The following PRDM9 variants were observed in gnomAD, a reference collection of about 807,000 sequenced individuals.
The protein encoded by PRDM9 is PR/SET domain 9.
In PRDM9, 47 loss-of-function variants were observed where a neutral mutation model predicts 55.6. The ratio of observed to expected loss-of-function variants is 0.85; its 90% CI spans 0.67 to 1.08. The LOEUF is 1.08. Ranked by LOEUF, PRDM9 falls within the 50% of genes least tolerant of loss-of-function variation. The probability of loss-of-function intolerance (pLI) is 0.00; values close to 1 mark genes in which losing one functional copy is unlikely to be tolerated. For synonymous variants in PRDM9, 312 were observed against 375.7 expected, an observed-to-expected ratio of 0.83 and a Z score of 1.96; for missense variants, 867 against 1,040.3, an observed-to-expected ratio of 0.83 and a Z score of 2.29.
At chr5:23,524,621 A>G in intron 10 of PRDM9, 94 bp downstream of exon 10, 4 of 1,555,796 alleles carry the variant, frequency 2.6e-6, no homozygotes, top group Non-Finnish European at 3.5e-6. Context: ...GTAAAATGCC[A>G]TCTAAAGTCA....
At chr5:23,510,460 C>T (rs2126407768) in intron 4 of PRDM9, among the ~76,000 whole-genome samples, 1 of 151,680 alleles carries the variant, frequency 6.6e-6, no homozygotes, top group East Asian at 2.0e-4. Context: ...CCGGGTTAAA[C>T]AATTCTCCCA....
At chr5:23,523,171 G>A (rs1739368143) in intron 8 of PRDM9, 120 bp from the exon 9 acceptor site, 2 of 1,224,690 alleles carry the variant, frequency 1.6e-6, no homozygotes, top group African/African-American at 3.0e-5. Context: ...TGCATACCAT[G>A]TGGTCTCAAT....
At chr5:23,513,772 G>A (rs890676062) in intron 4 of PRDM9, among the ~76,000 whole-genome samples, 6 of 151,966 alleles carry the variant, frequency 3.9e-5, no homozygotes, top group South Asian at 2.1e-4. Flanking sequence ...CCAGCTACTC[G>A]GTAGGCTGAA....
Position 23,508,952 on chromosome 5 carries a change from G to A in PRDM9, c.-82G>A. ...CTCAGCACCTTCTCCTTCCACAGGA[G>A]CCTTTGGCCTAGGAGCTGGGAGACT... On this transcript the variant is annotated splice_region_variant and 5_prime_UTR_variant, in exon 2 of 11. Coordinates refer to ENST00000296682, the MANE Select transcript of PRDM9 (RefSeq NM_020227.4). The A allele has an allele frequency of 3.9e-6, 6 of 1,520,978 alleles. No homozygotes were observed. The highest frequency in any genetic ancestry group is 5.4e-6 in the Non-Finnish European group (6 of 1,106,750). The allele number at this position is 1,520,978 out of a possible 1,614,324, so 94.2% of individuals were successfully genotyped here.
At chr5:23,519,016 A>T (rs1430775909) in intron 5 of PRDM9, among the ~76,000 whole-genome samples, 1 of 152,184 alleles carries the variant, frequency 6.6e-6, no homozygotes, top group Non-Finnish European at 1.5e-5. Context: ...TAGAGATGTT[A>T]TCAGGACTAT....
intron 6 of PRDM9, among the ~76,000 whole-genome samples, chr5:23,521,463 G>A (rs1253314416): frequency 2.0e-5 from 3 of 152,122 alleles, no homozygotes; most frequent in African/African-American, 4.8e-5. Context: ...TCAGTCACCC[G>A]AGTAGCTGGG....
At chr5:23,512,190 T>C (rs1382592848) in intron 4 of PRDM9, among the ~76,000 whole-genome samples, 1 of 152,204 alleles carries the variant, frequency 6.6e-6, no homozygotes, top group Non-Finnish European at 1.5e-5. Flanking sequence ...CCAAAATGAA[T>C]CTACTTCTTT....
chr5:23,520,030 T>G (rs879784592), intron 5 of PRDM9, among the ~76,000 whole-genome samples: 1 of 122,050 alleles, frequency 8.2e-6, no homozygotes, highest in Non-Finnish European at 1.7e-5. Flanking sequence ...GGCAACAAAG[T>G]GAGACTCCCT....
intron 6 of PRDM9, among the ~76,000 whole-genome samples, chr5:23,522,042 T>A (rs1739336825): frequency 6.6e-6 from 1 of 152,184 alleles, no homozygotes; most frequent in Non-Finnish European, 1.5e-5. Context: ...AATGAATAAA[T>A]GCATGAATGA....
chr5:23,507,588 C>G (rs1739006021), upstream of PRDM9: 1 of 152,406 alleles, frequency 6.6e-6, no homozygotes, highest in African/African-American at 2.4e-5. Flanking sequence ...GCACTTCGCC[C>G]TCCACCACAT....
intron 5 of PRDM9, among the ~76,000 whole-genome samples, chr5:23,519,638 G>A (rs372024663): frequency 1.4e-4 from 21 of 151,982 alleles, no homozygotes; most frequent in African/African-American, 4.8e-4. Context: ...TGGGATTACA[G>A]GTGTGAGCCA....
At position 23,522,372 on chromosome 5, in the gene PRDM9, G is replaced by C; in HGVS notation, c.577G>C (p.Glu193Gln). 1.2e-6 allele frequency: 2 copies of C among 1,614,152 alleles called. No homozygotes were observed. Among genetic ancestry groups the C allele is most frequent in the Non-Finnish European group, 1.7e-6 (2 of 1,180,008 alleles). ...LRERKGHAYK[E>Q]VSEPQDDDYL... ...AGAAAGAAAGGGTCATGCATACAAAGAGGTCAGCGAGCCGCAGGATGATGA... is the reference window on the plus strand; with the variant it reads ...AGAAAGAAAGGGTCATGCATACAAACAGGTCAGCGAGCCGCAGGATGATGA... The change falls in exon 7 of 11, where the codon GAG (glutamate) becomes CAG (glutamine). Residue 193 changes from glutamate (E) to glutamine (Q), a missense_variant. By Grantham distance (29) the Glu-to-Gln change is conservative. This residue lies in a region of PRDM9 where 662 missense variants were observed against 711.9 expected (regional missense o/e 0.93). Coordinates refer to ENST00000296682, the MANE Select transcript of PRDM9 (RefSeq NM_020227.4).
rs371827672 is a variant in PRDM9 at position 23,522,663 on chromosome 5, G to T, written c.660G>T (p.Gly220=). The change falls in exon 8 of 11, where the codon GGG becomes GGT. Residue 220 remains glycine (G), a synonymous_variant. Transcript: ENST00000296682. The part of the protein sequence containing the change: ...NFFIDSCAAH[G]PPTFVKDSAV... ...TCATTGACAGCTGTGCTGCCCATGG[G>T]CCCCCTACATTTGTAAAGGACAGTG... The T allele has an allele frequency of 2.5e-6, 4 of 1,614,160 alleles. No individual in the cohort carries two copies. Among genetic ancestry groups the T allele is most frequent in the Admixed American group, 3.3e-5 (2 of 60,022 alleles).
intron 4 of PRDM9, among the ~76,000 whole-genome samples, chr5:23,512,718 ATCCCTAGAACTTTT>A (rs1739123608): frequency 6.6e-6 from 1 of 152,168 alleles, no homozygotes; most frequent in Admixed American, 6.5e-5. Flanking sequence ...GGTGAAATAG[ATCCCTAGAACTTTT>A]TATCTTGCAT....
chr5:23,516,804 C>G (rs1400094402), intron 4 of PRDM9, among the ~76,000 whole-genome samples: 3 of 147,502 alleles, frequency 2.0e-5, no homozygotes, highest in Non-Finnish European at 4.5e-5. Flanking sequence ...ACTGCAACCT[C>G]TGCCTCCCAG....
At chr5:23,509,235 A>G in intron 2 of PRDM9, 133 bp downstream of exon 2, 1 of 1,367,272 alleles carries the variant, frequency 7.3e-7, no homozygotes, top group South Asian at 1.2e-5. Context: ...CCTGGCCAGG[A>G]CATGGGGGAG....
chr5:23,515,217 G>A (rs558276287), intron 4 of PRDM9, among the ~76,000 whole-genome samples: 318 of 151,902 alleles, frequency 2.1e-3, no homozygotes, highest in African/African-American at 7.3e-3. Context: ...CATCTGCCTC[G>A]GCCACCCAAA....
chr5:23,522,700 G>C lies in PRDM9; in HGVS notation c.697G>C (p.Gly233Arg), dbSNP rs1283906767. The C allele has an allele frequency of 6.2e-7, 1 of 1,614,216 alleles. No homozygotes were observed. The highest frequency in any genetic ancestry group is 2.2e-5 in the East Asian group (1 of 44,860). The change falls in exon 8 of 11, where the codon GGG (glycine) becomes CGG (arginine). Residue 233 changes from glycine to arginine, a missense_variant. Around this residue, in one of 5 missense-constraint regions of PRDM9, gnomAD observed 662 missense variants for 711.9 expected, o/e 0.93. Transcript: ENST00000296682. The part of the protein sequence containing the change: ...TFVKDSAVDK[G>R]HPNRSALSLP... ...TGTAAAGGACAGTGCAGTGGACAAG[G>C]GGCACCCCAACCGTTCAGCCCTCAG...
At chr5:23,513,736 G>A (rs559226975) in intron 4 of PRDM9, among the ~76,000 whole-genome samples, 8 of 151,956 alleles carry the variant, frequency 5.3e-5, no homozygotes, top group South Asian at 4.2e-4. Flanking sequence ...AAAATTAGCC[G>A]GGCATAGTGG....
Sources: gnomAD v4.1 joint callset for allele counts (sites outside exome capture counted in the v4.1 genomes callset) on GRCh38, gnomAD v4.1.1 for gene constraint, gnomAD v4.1.1 regional missense constraint, MANE v1.5 for transcripts, NCBI Gene and HGNC (gene_info 2026-07-23, HGNC 2026-07-21) for gene names.